CTNNA2: variants seen among roughly 807,000 people sequenced by gnomAD.
CTNNA2 encodes catenin alpha 2.
A neutral mutation model predicts 101.0 loss-of-function variants in CTNNA2; 42 were observed. That is an observed-to-expected ratio of 0.42 (90% CI 0.32 to 0.54). The LOEUF is 0.54. Among genes scored for constraint, CTNNA2 ranks in the 20% least tolerant of loss-of-function variants. CTNNA2 has a pLI of 0.14. For synonymous variants in CTNNA2, 450 were observed against 456.4 expected (o/e 0.99, Z 0.18); for missense variants, 871 against 1,223.1 (o/e 0.71, Z 4.29).
chr2:80,370,119 G>A (rs1440208643), intron 7 of CTNNA2, among the ~76,000 whole-genome samples: 1 of 152,140 alleles, frequency 6.6e-6, no homozygotes, highest in Admixed American at 6.5e-5. Flanking sequence ...AAAGGTTGAG[G>A]CATTTATATT....
At chr2:79,855,617 C>G (rs564440579) in intron 3 of CTNNA2, among the ~76,000 whole-genome samples, 1 of 152,298 alleles carries the variant, frequency 6.6e-6, no homozygotes, top group African/African-American at 2.4e-5. Context: ...TGACTGCCCT[C>G]TCCTCCTGGG....
intron 2 of CTNNA2, among the ~76,000 whole-genome samples, chr2:79,710,692 A>G (rs758217312): frequency 2.6e-4 from 39 of 152,248 alleles, no homozygotes; most frequent in Non-Finnish European, 4.9e-4. Flanking sequence ...AACCTGGTGT[A>G]AGAGGAGAAA....
intron 4 of CTNNA2, among the ~76,000 whole-genome samples, chr2:79,440,413 T>A (rs1271732995): frequency 6.6e-6 from 1 of 152,166 alleles, no homozygotes; most frequent in Admixed American, 6.6e-5. Context: ...TGATTCAGTA[T>A]TTTACTGGCC....
intron 7 of CTNNA2, chr2:80,328,211 G>T: frequency 1.1e-5 from 5 of 456,798 alleles, no homozygotes; most frequent in East Asian, 1.4e-4. Flanking sequence ...TGCTTTTTTG[G>T]GTTTTGTCAT....
At chr2:79,825,402 T>C (rs17017971) in intron 3 of CTNNA2, among the ~76,000 whole-genome samples, 2,246 of 152,142 alleles carry the variant, frequency 0.015, 42 homozygotes, top group East Asian at 0.04. Context: ...AAGCGATGGT[T>C]CAAAATAGTG....
At chr2:79,548,360 G>A (rs1673872288) in intron 1 of CTNNA2, among the ~76,000 whole-genome samples, 1 of 152,100 alleles carries the variant, frequency 6.6e-6, no homozygotes, top group Non-Finnish European at 1.5e-5. Context: ...CCTGATAATT[G>A]TCTAGTTTGT....
At chr2:79,735,782 C>T (rs1457457820) in intron 2 of CTNNA2, among the ~76,000 whole-genome samples, 5 of 152,142 alleles carry the variant, frequency 3.3e-5, no homozygotes, top group African/African-American at 1.2e-4. Flanking sequence ...AGCTGGTCTT[C>T]CAGGTCTCAG....
intron 13 of CTNNA2, among the ~76,000 whole-genome samples, chr2:80,579,750 G>A (rs896913686): frequency 1.3e-5 from 2 of 152,194 alleles, no homozygotes; most frequent in African/African-American, 2.4e-5. Context: ...TAGGCATAAC[G>A]TGCTATTGGC....
At chr2:79,292,383 C>T (rs1675845750) in intron 2 of CTNNA2, among the ~76,000 whole-genome samples, 1 of 152,154 alleles carries the variant, frequency 6.6e-6, no homozygotes, top group Admixed American at 6.5e-5. Flanking sequence ...GAGAGAGTTC[C>T]AGCTGATGCT....
At chr2:80,284,647 A>C (rs569644649) in intron 7 of CTNNA2, among the ~76,000 whole-genome samples, 1 of 151,868 alleles carries the variant, frequency 6.6e-6, no homozygotes, top group East Asian at 1.9e-4. Flanking sequence ...ATCATCTCTG[A>C]GAATTCCTCA....
chr2:79,982,361 T>TATAAC (rs1273059843), intron 7 of CTNNA2, among the ~76,000 whole-genome samples: 8 of 134,946 alleles, frequency 5.9e-5, no homozygotes, highest in Non-Finnish European at 1.1e-4. Context: ...ATATAACCTA[T>TATAAC]ATAACATATA....
intron 2 of CTNNA2, among the ~76,000 whole-genome samples, chr2:79,256,304 C>T (rs1275611878): frequency 6.6e-6 from 1 of 152,160 alleles, no homozygotes; most frequent in Non-Finnish European, 1.5e-5. Flanking sequence ...CAATTAAGGA[C>T]ATTTCTCTGT....
chr2:80,006,633 C>G (rs554854081), intron 7 of CTNNA2, among the ~76,000 whole-genome samples: 32 of 152,220 alleles, frequency 2.1e-4, no homozygotes, highest in Admixed American at 3.9e-4. Flanking sequence ...ATTTCCACTG[C>G]GCTAGGTATC....
At chr2:79,412,786 A>C (rs1016527751) in intron 4 of CTNNA2, among the ~76,000 whole-genome samples, 1 of 152,112 alleles carries the variant, frequency 6.6e-6, no homozygotes, top group African/African-American at 2.4e-5. Context: ...ATAAATTGAG[A>C]AGGAGAAACT....
At chr2:79,957,947 G>T (rs4852169) in intron 7 of CTNNA2, among the ~76,000 whole-genome samples, 14,577 of 152,230 alleles carry the variant, frequency 0.096, 908 homozygotes, top group East Asian at 0.28. Flanking sequence ...CAGCTCTTCA[G>T]ATTCTTAAAG....
chr2:80,476,910 T>C (rs1003235740), intron 9 of CTNNA2, among the ~76,000 whole-genome samples: 9 of 152,196 alleles, frequency 5.9e-5, no homozygotes, highest in Non-Finnish European at 1.0e-4. Flanking sequence ...TCAGGATTCA[T>C]AGGAGAGAGA....
chr2:80,547,989 G>A (rs1158121931), intron 11 of CTNNA2, among the ~76,000 whole-genome samples: 1 of 152,062 alleles, frequency 6.6e-6, no homozygotes, highest in East Asian at 1.9e-4. Context: ...ATCGCGCCCA[G>A]CCCATTTCTG....
At chr2:79,388,989 G>A (rs1484213249) in intron 4 of CTNNA2, among the ~76,000 whole-genome samples, 1 of 152,000 alleles carries the variant, frequency 6.6e-6, no homozygotes, top group African/African-American at 2.4e-5. Flanking sequence ...TTTGCCATTT[G>A]GGGTTACACA....
rs5832398 is a variant in CTNNA2 at position 79,659,215 on chromosome 2, C to CTT, written c.102+7573_102+7574dup. ...ACTTCTGAGAGTTGATCCAGTGCCT[C>CTT]TTTTTTTTTTTTTTTTTGCTACACC... On this transcript the variant is annotated intron_variant, in intron 2 of 18. Coordinates refer to ENST00000402739, the MANE Select transcript of CTNNA2 (RefSeq NM_001282597.3). Among the ~76,000 whole-genome samples the CTT allele has an allele frequency of 4.6e-3, 626 of 135,782 alleles. 7 individuals are homozygous for CTT. The highest frequency in any genetic ancestry group is 0.016 in the Middle Eastern group (4 of 252). 89.1% of individuals were successfully genotyped at this position (135,782 alleles called of 152,430 possible). A position where few individuals can be genotyped will look rare whatever the true frequency, so the allele number is the denominator to read the frequency against.
Sources: gnomAD v4.1 joint callset for allele counts (sites outside exome capture counted in the v4.1 genomes callset) on GRCh38, gnomAD v4.1.1 for gene constraint, MANE v1.5 for transcripts, NCBI Gene and HGNC (gene_info 2026-07-23, HGNC 2026-07-21) for gene names.